The following ITGBL1 variants were observed in gnomAD, a reference collection of about 807,000 sequenced individuals.
ITGBL1 encodes integrin beta-like protein 1.
A neutral mutation model predicts 68.5 loss-of-function variants in ITGBL1; 51 were observed. That is an observed-to-expected ratio of 0.74 (90% confidence interval 0.59 to 0.94). The LOEUF (loss-of-function observed/expected upper bound fraction) is 0.94, where lower values mean the gene tolerates loss of function less well. Among genes scored for constraint, ITGBL1 ranks in the 40% least tolerant of loss-of-function variants. ITGBL1 has a pLI of 0.00. For missense variants in ITGBL1, 649 were observed against 647.4 expected (o/e 1.00, Z -0.03); for synonymous variants, 209 against 227.3 (o/e 0.92, Z 0.72).
At chr13:101,497,628 A>G (rs1174365079) in intron 2 of ITGBL1, among the ~76,000 whole-genome samples, 1 of 152,154 alleles carries the variant, frequency 6.6e-6, no homozygotes, top group East Asian at 1.9e-4. Flanking sequence ...GTTTTAATTT[A>G]AGTTGGCCAC....
chr13:101,596,713 A>G (rs1211779783), intron 6 of ITGBL1, among the ~76,000 whole-genome samples: 2 of 152,198 alleles, frequency 1.3e-5, no homozygotes, highest in African/African-American at 2.4e-5. Flanking sequence ...GGTTAATTTA[A>G]AAAAATCCTG....
intron 2 of ITGBL1, among the ~76,000 whole-genome samples, chr13:101,555,984 A>G (rs2049998857): frequency 6.6e-6 from 1 of 152,194 alleles, no homozygotes; most frequent in South Asian, 2.1e-4. Flanking sequence ...GATGGTCAAG[A>G]CAGTTGTGTT....
At chr13:101,576,164 A>G (rs984378169) in intron 4 of ITGBL1, among the ~76,000 whole-genome samples, 1 of 152,184 alleles carries the variant, frequency 6.6e-6, no homozygotes, top group Admixed American at 6.5e-5. Context: ...AATTATGTTT[A>G]TCTACATAGA....
intron 6 of ITGBL1, among the ~76,000 whole-genome samples, chr13:101,595,369 T>C (rs1265120469): frequency 6.6e-6 from 1 of 152,110 alleles, no homozygotes; most frequent in Non-Finnish European, 1.5e-5. Flanking sequence ...CATTAAGCCA[T>C]TCATTAGGGA....
intron 2 of ITGBL1, among the ~76,000 whole-genome samples, chr13:101,540,706 C>T (rs879579303): frequency 1.3e-5 from 2 of 152,052 alleles, no homozygotes; most frequent in Admixed American, 6.6e-5. Flanking sequence ...TTCTTCCATT[C>T]GTTTGTATGC....
chr13:101,543,744 G>T (rs1466626047), intron 2 of ITGBL1, among the ~76,000 whole-genome samples: 3 of 152,148 alleles, frequency 2.0e-5, no homozygotes. Context: ...TTTCTTGGAG[G>T]ATTTGTTCAT....
intron 7 of ITGBL1, among the ~76,000 whole-genome samples, chr13:101,640,793 G>A (rs1396893620): frequency 6.6e-6 from 1 of 151,946 alleles, no homozygotes; most frequent in Non-Finnish European, 1.5e-5. Flanking sequence ...TCCCTTTCTA[G>A]TAGTCCCCAC....
rs80039643 is a variant in ITGBL1, at chr13:101,518,855, T to A, written c.317-48844T>A. On this transcript the variant is annotated intron_variant, in intron 2 of 10. Transcript: ENST00000376180. ...ATAATCTCATGGGGATATTTACTAT[T>A]TTATCTCCACTTTACAGTTGAGGAA... is the stretch of plus-strand genomic sequence containing the variant. 9.7e-3 allele frequency among the ~76,000 whole-genome samples: 1,473 copies of A among 152,322 alleles called. 9 individuals carry two copies. The highest frequency in any genetic ancestry group is 0.013 in the Admixed American group (204 of 15,286).
At chr13:101,633,778 G>GA (rs1183680286) in intron 7 of ITGBL1, among the ~76,000 whole-genome samples, 2 of 152,248 alleles carry the variant, frequency 1.3e-5, no homozygotes, top group African/African-American at 2.4e-5. Flanking sequence ...GCAAAATCTA[G>GA]AAAAAATCCA....
chr13:101,671,640 G>C (rs907111251), intron 7 of ITGBL1, among the ~76,000 whole-genome samples: 1 of 150,178 alleles, frequency 6.7e-6, no homozygotes, highest in Non-Finnish European at 1.5e-5. Context: ...GGGTTTCACC[G>C]TGTTAGCCAG....
intron 2 of ITGBL1, among the ~76,000 whole-genome samples, chr13:101,512,161 A>T (rs187117163): frequency 5.3e-5 from 8 of 152,096 alleles, no homozygotes; most frequent in African/African-American, 1.9e-4. Context: ...GCTCAGATGG[A>T]TATCCCTCTT....
At chr13:101,465,917 C>T (rs751111036) in intron 2 of ITGBL1, among the ~76,000 whole-genome samples, 2 of 152,016 alleles carry the variant, frequency 1.3e-5, no homozygotes, top group African/African-American at 2.4e-5. Flanking sequence ...TTGAGGATAG[C>T]GGTAACTGTA....
At chr13:101,539,493 G>T (rs1276534231) in intron 2 of ITGBL1, among the ~76,000 whole-genome samples, 1 of 151,904 alleles carries the variant, frequency 6.6e-6, no homozygotes, top group Non-Finnish European at 1.5e-5. Context: ...GCTATTGTCA[G>T]TAGTGCCGCA....
At chr13:101,538,273 T>G (rs1019931153) in intron 2 of ITGBL1, among the ~76,000 whole-genome samples, 2 of 151,934 alleles carry the variant, frequency 1.3e-5, no homozygotes, top group Non-Finnish European at 2.9e-5. Context: ...AGATGAATTC[T>G]TAGTTCTAAA....
At chr13:101,633,871 T>G (rs1445986626) in intron 7 of ITGBL1, among the ~76,000 whole-genome samples, 1 of 152,162 alleles carries the variant, frequency 6.6e-6, no homozygotes, top group Non-Finnish European at 1.5e-5. Flanking sequence ...ATCACAATAA[T>G]GGTTACATAA....
At chr13:101,717,779 C>G (rs1311324235), downstream of ITGBL1, 1 of 152,154 alleles carries the variant, frequency 6.6e-6, no homozygotes, top group Non-Finnish European at 1.5e-5. Context: ...GGCAGCTGGG[C>G]AGTACTTTGT....
At chr13:101,599,711 T>C (rs2139329768) in intron 7 of ITGBL1, among the ~76,000 whole-genome samples, 1 of 152,352 alleles carries the variant, frequency 6.6e-6, no homozygotes, top group East Asian at 1.9e-4. Context: ...CCCCATTTCT[T>C]CTTTTTGTCA....
At chr13:101,707,024 G>T in intron 9 of ITGBL1, 122 bp downstream of exon 9, 1 of 935,108 alleles carries the variant, frequency 1.1e-6, no homozygotes, top group South Asian at 2.1e-5. Context: ...TATGTCCTCT[G>T]CTGTCCCCAA....
intron 7 of ITGBL1, among the ~76,000 whole-genome samples, chr13:101,658,811 G>C (rs2033002107): frequency 6.6e-6 from 1 of 152,014 alleles, no homozygotes; most frequent in Admixed American, 6.6e-5. Flanking sequence ...CTGGGCTGGG[G>C]TTTCCTAAGC....
Sources: allele counts gnomAD v4.1 joint callset (sites outside exome capture counted in the v4.1 genomes callset), GRCh38; gene constraint gnomAD v4.1.1; transcripts MANE v1.5; gene names NCBI Gene and HGNC (gene_info 2026-07-23, HGNC 2026-07-21).